The following DISC1 variants were observed in gnomAD, a reference collection of about 807,000 sequenced individuals.
DISC1 encodes the protein DISC1 scaffold protein, also known as disrupted in schizophrenia 1 protein.
In DISC1, 57 loss-of-function variants were observed where a neutral mutation model predicts 84.5. The observed-to-expected ratio is 0.67, with a 90% CI of 0.55 to 0.84. The LOEUF is 0.84. DISC1 is among the 40% of genes least tolerant of loss of function. The pLI, the probability that DISC1 is intolerant of heterozygous loss-of-function variation, is 0.00. For synonymous variants in DISC1, 411 were observed against 415.2 expected (o/e 0.99, Z 0.12); for missense variants, 1,000 against 1,057.8 (o/e 0.95, Z 0.76).
intron 1 of DISC1, among the ~76,000 whole-genome samples, chr1:231,634,597 G>A (rs750892826): frequency 1.3e-5 from 2 of 152,122 alleles, no homozygotes; most frequent in Non-Finnish European, 2.9e-5. Flanking sequence ...AAATTGCCTC[G>A]ACTCTATTAA....
intron 1 of DISC1, among the ~76,000 whole-genome samples, chr1:231,649,010 C>T (rs2060385985): frequency 1.3e-5 from 2 of 151,974 alleles, no homozygotes; most frequent in South Asian, 4.1e-4. Flanking sequence ...AAAAAACCAG[C>T]TCTTGGATTC....
intron 3 of DISC1, among the ~76,000 whole-genome samples, chr1:231,725,914 A>G (rs2125136567): frequency 6.6e-6 from 1 of 152,128 alleles, no homozygotes; most frequent in African/African-American, 2.4e-5. Flanking sequence ...GCACACTGAA[A>G]TGGTGTAGCC....
intron 6 of DISC1, among the ~76,000 whole-genome samples, chr1:231,794,595 T>G (rs1383882818): frequency 1.3e-5 from 2 of 152,176 alleles, no homozygotes; most frequent in Non-Finnish European, 2.9e-5. Flanking sequence ...CAGGAATTCT[T>G]TAAGCACTGG....
chr1:231,922,332 C>T (rs2090058919), intron 9 of DISC1, among the ~76,000 whole-genome samples: 2 of 152,206 alleles, frequency 1.3e-5, no homozygotes, highest in African/African-American at 2.4e-5. Flanking sequence ...TAGTTGCTAA[C>T]ACGTATGAAC....
chr1:231,730,251 T>C (rs1175847932), intron 3 of DISC1, among the ~76,000 whole-genome samples: 1 of 152,222 alleles, frequency 6.6e-6, no homozygotes, highest in Non-Finnish European at 1.5e-5. Flanking sequence ...TTCATTCATT[T>C]GTATGATTCC....
At chr1:231,678,057 A>C (rs1354560185) in intron 1 of DISC1, among the ~76,000 whole-genome samples, 1 of 152,202 alleles carries the variant, frequency 6.6e-6, no homozygotes, top group Non-Finnish European at 1.5e-5. Flanking sequence ...AACCTCATAC[A>C]TAATGATGAG....
At chr1:231,837,093 A>T (rs1339947264) in intron 9 of DISC1, among the ~76,000 whole-genome samples, 3 of 152,238 alleles carry the variant, frequency 2.0e-5, no homozygotes. Context: ...GTTTTATACA[A>T]TATAAAATTT....
At chr1:231,891,178 T>A (rs11122365) in intron 9 of DISC1, among the ~76,000 whole-genome samples, 27,751 of 151,938 alleles carry the variant, frequency 0.18, 2,654 homozygotes, top group Middle Eastern at 0.22. Flanking sequence ...GGGCCACACA[T>A]AAAATACACT....
At chr1:231,759,278 G>T (rs1379871416) in intron 4 of DISC1, among the ~76,000 whole-genome samples, 1 of 152,126 alleles carries the variant, frequency 6.6e-6, no homozygotes, top group Non-Finnish European at 1.5e-5. Context: ...TTCAGTGATG[G>T]TCAGCTCTAA....
rs1339705567 is a variant in DISC1 at position 232,037,298 on chromosome 1, A to G, written c.*467A>G. On this transcript the variant is annotated 3_prime_UTR_variant, in exon 13 of 13. Coordinates refer to ENST00000439617, the MANE Select transcript of DISC1 (RefSeq NM_018662.3). The stretch of plus-strand genomic sequence containing the variant: ...TGTTACACGTTCCTACAGGTGCACA[A>G]TCTAAGAGAGCTAATTAACCTCAGA... 2 of 152,382 alleles carry G rather than the reference A, an allele frequency of 1.3e-5. No homozygotes were observed. Among genetic ancestry groups the G allele is most frequent in the Non-Finnish European group, 2.9e-5 (2 of 68,090 alleles). The allele number at this position is 152,382 out of a possible 1,614,324, so 9.4% of individuals were successfully genotyped here. A position where few individuals can be genotyped will look rare whatever the true frequency, so the allele number is the denominator to read the frequency against.
intron 4 of DISC1, among the ~76,000 whole-genome samples, chr1:231,763,158 A>G (rs1035102530): frequency 2.6e-5 from 4 of 152,124 alleles, no homozygotes; most frequent in African/African-American, 9.7e-5. Flanking sequence ...TATCTGGGAA[A>G]GAGCAGGAAC....
chr1:231,767,179 G>C lies in DISC1; in HGVS notation c.1308G>C (p.Glu436Asp), dbSNP rs773578248. 1 of 1,614,242 alleles carries C rather than the reference G, an allele frequency of 6.2e-7. No individual in the cohort carries two copies. Among genetic ancestry groups the C allele is most frequent in the Admixed American group, 1.7e-5 (1 of 60,030 alleles). The change falls in exon 5 of 13, where the codon GAG (glutamate) becomes GAC (aspartate). Residue 436 changes from glutamate to aspartate, a missense_variant. Around this residue, in one of 3 missense-constraint regions of DISC1, gnomAD observed 311 missense variants for 400.1 expected, o/e 0.78. Coordinates refer to ENST00000439617, the MANE Select transcript of DISC1 (RefSeq NM_018662.3). ...ACACCCACACCCCACTGAGAATGGAGCCGAGGCTGTTGGAACCCACTGCTC... is the reference window on the plus strand; with the variant it reads ...ACACCCACACCCCACTGAGAATGGACCCGAGGCTGTTGGAACCCACTGCTC... ...GDDTHTPLRM[E>D]PRLLEPTAQD...
chr1:232,036,589 T>C, intron 12 of DISC1, 103 bp from the exon 13 acceptor site: 1 of 1,119,316 alleles, frequency 8.9e-7, no homozygotes, highest in Non-Finnish European at 1.2e-6. Flanking sequence ...CAATTAGGTG[T>C]CAGTACCCAT....
At chr1:231,914,912 C>T (rs1225026449) in intron 9 of DISC1, among the ~76,000 whole-genome samples, 1 of 152,190 alleles carries the variant, frequency 6.6e-6, no homozygotes, top group Admixed American at 6.5e-5. Flanking sequence ...TGTCCTGTAC[C>T]AGTCAGGAGC....
At chr1:232,001,550 A>G (rs1263189251) in intron 10 of DISC1, among the ~76,000 whole-genome samples, 1 of 152,230 alleles carries the variant, frequency 6.6e-6, no homozygotes, top group Non-Finnish European at 1.5e-5. Flanking sequence ...CATATTATAA[A>G]TAAATTGAGA....
At chr1:232,020,697 G>C (rs986400049) in intron 11 of DISC1, among the ~76,000 whole-genome samples, 4 of 152,120 alleles carry the variant, frequency 2.6e-5, no homozygotes, top group African/African-American at 7.2e-5. Flanking sequence ...AGCTTTCACT[G>C]AGACACCTTC....
intron 9 of DISC1, among the ~76,000 whole-genome samples, chr1:231,879,848 T>C (rs1290581090): frequency 6.6e-6 from 1 of 152,056 alleles, no homozygotes; most frequent in Non-Finnish European, 1.5e-5. Context: ...AGTACATAAT[T>C]TGAGGTGCAT....
At chr1:231,645,840 A>G (rs944845193) in intron 1 of DISC1, among the ~76,000 whole-genome samples, 3 of 150,628 alleles carry the variant, frequency 2.0e-5, no homozygotes, top group Admixed American at 6.6e-5. Flanking sequence ...AAGGACATGA[A>G]CTCATCCTTT....
At chr1:231,669,449 G>A (rs1466454436) in intron 1 of DISC1, among the ~76,000 whole-genome samples, 2 of 152,088 alleles carry the variant, frequency 1.3e-5, no homozygotes, top group Non-Finnish European at 2.9e-5. Context: ...CCTACAGAAT[G>A]GGAGAAAATT....
Sources: allele counts gnomAD v4.1 joint callset (sites outside exome capture counted in the v4.1 genomes callset), GRCh38; gene constraint gnomAD v4.1.1; regional missense constraint gnomAD v4.1.1; transcripts MANE v1.5; gene names NCBI Gene and HGNC (gene_info 2026-07-23, HGNC 2026-07-21).